TMEM185A: variants seen among roughly 807,000 people sequenced by gnomAD.
TMEM185A encodes transmembrane protein 185A, also known as family with sequence similarity 11, member A.
Under a neutral mutation model 25.0 loss-of-function variants are expected in TMEM185A, and 9 were observed. The ratio of observed to expected loss-of-function variants is 0.36; its 90% CI spans 0.22 to 0.63. TMEM185A has a LOEUF of 0.63. TMEM185A is among the 20% of genes least tolerant of loss of function. The probability of loss-of-function intolerance (pLI) is 0.68; values close to 1 mark genes in which losing one functional copy is unlikely to be tolerated. For missense variants in TMEM185A, 103 were observed against 237.4 expected, an observed-to-expected ratio of 0.43 and a Z score of 3.72; for synonymous variants, 45 against 93.5, an observed-to-expected ratio of 0.48 and a Z score of 2.99.
intron 1 of TMEM185A, among the ~76,000 whole-genome samples, chrX:149,629,220 G>C (rs1393108083): frequency 9.0e-6 from 1 of 111,665 alleles, no homozygotes; most frequent in Non-Finnish European, 1.9e-5. Flanking sequence ...AAAAGAGAGG[G>C]AAACATTCCT....
rs781875948 is a variant in TMEM185A at position 149,611,458 on chromosome X, A to C, written c.44T>G (p.Phe15Cys). The C allele has an allele frequency of 3.4e-6, 4 of 1,188,622 alleles. No homozygotes were observed. In the Admixed American group the frequency reaches 9.9e-5, roughly 29 times the overall value. ...CAGCAGCAGACAGGCATAGATGAGG[A>C]ATTTACTAGGAGAAAAGTAAAACGA... is the stretch of plus-strand genomic sequence containing the variant. Reference protein sequence around the residue: ...GLFQDFNPSKFLIYACLLLFS... With the variant: ...GLFQDFNPSKCLIYACLLLFS... The change falls in exon 2 of 7, where the codon TTC (phenylalanine) becomes TGC (cysteine). Residue 15 changes from phenylalanine (F) to cysteine (C), a missense_variant. Around this residue, in one of 2 missense-constraint regions of TMEM185A, gnomAD observed 102 missense variants for 125.7 expected, o/e 0.81. Transcript: ENST00000600449.
rs899583915 is a variant in TMEM185A at position 149,611,345 on chromosome X, T to G, written c.157A>C (p.Met53Leu). 8.3e-7 allele frequency: 1 copy of G among 1,209,589 alleles called. No homozygotes were observed. The highest frequency in any genetic ancestry group is 1.8e-5 in the African/African-American group (1 of 57,078). The change falls in exon 2 of 7, where the codon ATG becomes CTG. Residue 53 changes from methionine to leucine, a missense_variant. Physicochemically the swap from Met to Leu is conservative, Grantham distance 15. Transcript: ENST00000600449. ...CCAACTGAGGCTCCAACAATGACCA[T>G]TAACTTCCACAGCCATATTGGAGCA... ...VFAPIWLWKL[M>L]VIVGASVGTG...
chrX:149,628,188 G>C (rs1247775858), intron 1 of TMEM185A, among the ~76,000 whole-genome samples: 3 of 110,910 alleles, frequency 2.7e-5, no homozygotes, highest in Non-Finnish European at 5.7e-5. Context: ...CAGCCTTCCA[G>C]TGCCACATGG....
intron 3 of TMEM185A, chrX:149,606,722 C>G (rs1314565429): frequency 1.8e-5 from 2 of 112,684 alleles, no homozygotes; most frequent in African/African-American, 6.5e-5. Context: ...CTCCAGACCA[C>G]CCCCTCACCA....
At chrX:149,607,054 T>C (rs1230033017) in intron 3 of TMEM185A, among the ~76,000 whole-genome samples, 2 of 111,383 alleles carry the variant, frequency 1.8e-5, no homozygotes, top group Non-Finnish European at 1.9e-5. Flanking sequence ...GCTGTGGCCT[T>C]TCCACCAGCA....
At chrX:149,622,401 T>C (rs995362183) in intron 1 of TMEM185A, among the ~76,000 whole-genome samples, 47 of 111,381 alleles carry the variant, frequency 4.2e-4, no homozygotes, top group African/African-American at 1.5e-3. Flanking sequence ...ACAAAGTTCC[T>C]AAGGAAAATA....
intron 1 of TMEM185A, among the ~76,000 whole-genome samples, chrX:149,612,916 C>T (rs1218862139): frequency 8.9e-6 from 1 of 112,125 alleles, no homozygotes; most frequent in African/African-American, 3.2e-5. Flanking sequence ...CAGTAACAAG[C>T]TATAGCATAT....
intron 1 of TMEM185A, among the ~76,000 whole-genome samples, chrX:149,622,876 A>T (rs996453814): frequency 1.8e-5 from 2 of 112,059 alleles, no homozygotes; most frequent in South Asian, 3.7e-4. Flanking sequence ...CCAATTTTTT[A>T]AAAATTATTT....
chrX:149,608,436 T>C, intron 3 of TMEM185A, 191 bp downstream of exon 3: 1 of 406,434 alleles, frequency 2.5e-6, no homozygotes. Context: ...GTTCAAGAGA[T>C]TCTCCCGCCT....
chrX:149,614,340 A>G (rs1002329853), intron 1 of TMEM185A, among the ~76,000 whole-genome samples: 1 of 112,408 alleles, frequency 8.9e-6, no homozygotes, highest in Non-Finnish European at 1.9e-5. Flanking sequence ...GTCAAAGACT[A>G]TGAAGAAAAT....
At chrX:149,622,832 T>A (rs2090145948) in intron 1 of TMEM185A, among the ~76,000 whole-genome samples, 1 of 112,051 alleles carries the variant, frequency 8.9e-6, no homozygotes, top group Non-Finnish European at 1.9e-5. Flanking sequence ...AAGTTGGGAA[T>A]AAGGAATTCC....
intron 1 of TMEM185A, among the ~76,000 whole-genome samples, chrX:149,630,067 A>G (rs1557356465): frequency 8.9e-6 from 1 of 111,751 alleles, no homozygotes; most frequent in African/African-American, 3.3e-5. Flanking sequence ...CCACAGCACC[A>G]ACCCTACTAC....
At chrX:149,619,330 G>A (rs1395085163) in intron 1 of TMEM185A, among the ~76,000 whole-genome samples, 1 of 111,500 alleles carries the variant, frequency 9.0e-6, no homozygotes, top group Non-Finnish European at 1.9e-5. Context: ...TCAAGCTCAT[G>A]GTAGCAGATA....
At chrX:149,626,263 G>C (rs2090162342) in intron 1 of TMEM185A, among the ~76,000 whole-genome samples, 1 of 112,564 alleles carries the variant, frequency 8.9e-6, no homozygotes, top group South Asian at 3.7e-4. Flanking sequence ...GGTGGCTTGA[G>C]AGGACAGAAC....
At chrX:149,629,220 G>A (rs1393108083) in intron 1 of TMEM185A, among the ~76,000 whole-genome samples, 1 of 111,665 alleles carries the variant, frequency 9.0e-6, no homozygotes, top group Non-Finnish European at 1.9e-5. Flanking sequence ...AAAAGAGAGG[G>A]AAACATTCCT....
chrX:149,617,113 T>C (rs781888025), intron 1 of TMEM185A, among the ~76,000 whole-genome samples: 7 of 112,130 alleles, frequency 6.2e-5, no homozygotes, highest in Non-Finnish European at 1.3e-4. Flanking sequence ...TATACAAAAA[T>C]TTATGTGACA....
intron 1 of TMEM185A, among the ~76,000 whole-genome samples, chrX:149,626,541 A>AC (rs1261296918): frequency 1.8e-5 from 2 of 111,920 alleles, no homozygotes; most frequent in African/African-American, 6.5e-5. Flanking sequence ...GCCCCTCCAC[A>AC]CCTGTGGGTA....
chrX:149,605,644 A>C (rs2090047239), intron 3 of TMEM185A, among the ~76,000 whole-genome samples: 1 of 112,140 alleles, frequency 8.9e-6, no homozygotes, highest in Non-Finnish European at 1.9e-5. Context: ...ATCACCCTGC[A>C]TTCTTTTTCC....
rs184551221 is a variant in TMEM185A, at chrX:149,609,362, G to A, written c.216-528C>T. Among the ~76,000 whole-genome samples, 38 of 112,648 alleles carry A rather than the reference G, an allele frequency of 3.4e-4. No homozygotes were observed. In the East Asian group the frequency reaches 8.6e-3, roughly 26 times the overall value. Reference sequence around the variant, plus strand: ...TCAAGATAGTAGTAACTATTGTTAGGTGCTATTTTTAAATGCAAATAAAAC... The same window carrying A: ...TCAAGATAGTAGTAACTATTGTTAGATGCTATTTTTAAATGCAAATAAAAC... On this transcript the variant is annotated intron_variant, in intron 2 of 6. Transcript: ENST00000600449.
Sources: gnomAD v4.1 joint callset for allele counts (sites outside exome capture counted in the v4.1 genomes callset) on GRCh38, gnomAD v4.1.1 for gene constraint, gnomAD v4.1.1 regional missense constraint, MANE v1.5 for transcripts, NCBI Gene and HGNC (gene_info 2026-07-23, HGNC 2026-07-21) for gene names.